The following TPTE2 variants were observed in gnomAD, a reference collection of about 807,000 sequenced individuals.
TPTE2 encodes the protein phosphatidylinositol 3,4,5-trisphosphate 3-phosphatase TPTE2.
In TPTE2, 53 loss-of-function variants were observed where a neutral mutation model predicts 78.6. The observed-to-expected ratio is 0.67, with a 90% confidence interval of 0.54 to 0.85. The LOEUF (loss-of-function observed/expected upper bound fraction) is 0.85, where lower values mean the gene tolerates loss of function less well. Ranked by LOEUF, TPTE2 falls within the 40% of genes least tolerant of loss-of-function variation. TPTE2 has a pLI of 0.00. For missense variants in TPTE2, 461 were observed against 623.0 expected (o/e 0.74, Z 2.77); for synonymous variants, 175 against 206.2 (o/e 0.85, Z 1.30).
At chr13:19,557,440 C>T in the TPTE2 span, among the ~76,000 whole-genome samples, 6 of 152,244 alleles carry the variant, frequency 3.9e-5, no homozygotes, top group African/African-American at 1.4e-4. Context: ...CCAGGGCATA[C>T]CTGAGAACAT....
At chr13:19,465,488 G>A in exon 8 of TPTE2, 1 of 1,609,836 alleles carries the variant, frequency 6.2e-7, no homozygotes, top group Non-Finnish European at 8.5e-7. Flanking sequence ...AGCTTTTCAA[G>A]TTGTCTTTTT....
At chr13:19,557,800 T>C in the TPTE2 span, among the ~76,000 whole-genome samples, 1 of 152,194 alleles carries the variant, frequency 6.6e-6, no homozygotes, top group African/African-American at 2.4e-5. Flanking sequence ...GGAATGTTTC[T>C]CTACCTGAGA....
the TPTE2 span, among the ~76,000 whole-genome samples, chr13:19,542,343 A>G: frequency 6.6e-6 from 1 of 152,202 alleles, no homozygotes; most frequent in Non-Finnish European, 1.5e-5. Context: ...TCAGGGTCTC[A>G]CAAGGCTGTA....
At chr13:19,555,349 A>G in the TPTE2 span, among the ~76,000 whole-genome samples, 1 of 152,228 alleles carries the variant, frequency 6.6e-6, no homozygotes, top group Admixed American at 6.5e-5. Context: ...AGACGTGGGA[A>G]TCATGGAACA....
intron 3 of TPTE2, among the ~76,000 whole-genome samples, chr13:19,485,822 T>C (rs1333845875): frequency 6.6e-6 from 1 of 152,060 alleles, no homozygotes; most frequent in Non-Finnish European, 1.5e-5. Flanking sequence ...CCATTGATTG[T>C]ATTTTTTCAT....
At chr13:19,526,012 TAGCTATTATTAAAA>T (rs1566077485) in intron 1 of TPTE2, among the ~76,000 whole-genome samples, 1 of 152,130 alleles carries the variant, frequency 6.6e-6, no homozygotes, top group Non-Finnish European at 1.5e-5. Context: ...CCAGTCAGAA[TAGCTATTATTAAAA>T]AGCCAAAAAA....
chr13:19,557,065 T>G, the TPTE2 span, among the ~76,000 whole-genome samples: 4 of 152,250 alleles, frequency 2.6e-5, no homozygotes, highest in Admixed American at 2.6e-4. Context: ...CAGTAAGTTT[T>G]TTTATAAATG....
At chr13:19,451,326 C>T in intron 10 of TPTE2, 101 bp from the exon 14 acceptor site, 1 of 1,428,650 alleles carries the variant, frequency 7.0e-7, no homozygotes. Flanking sequence ...TAATTTGTCT[C>T]TCACTAGCAT....
chr13:19,521,492 C>G (rs376407862), intron 1 of TPTE2, among the ~76,000 whole-genome samples: 1 of 151,964 alleles, frequency 6.6e-6, no homozygotes, highest in Non-Finnish European at 1.5e-5. Context: ...TTATAGACAG[C>G]ATAGAGTAGG....
chr13:19,550,277 A>G, the TPTE2 span, among the ~76,000 whole-genome samples: 1 of 152,228 alleles, frequency 6.6e-6, no homozygotes, highest in Admixed American at 6.5e-5. Flanking sequence ...TTTCTCAGAA[A>G]CCAGGTCAAA....
chr13:19,512,595 T>TC (rs2137698105), intron 1 of TPTE2, among the ~76,000 whole-genome samples: 1 of 151,964 alleles, frequency 6.6e-6, no homozygotes, highest in African/African-American at 2.4e-5. Context: ...TTTTTTTTTT[T>TC]TGAGACAGAG....
intron 1 of TPTE2, among the ~76,000 whole-genome samples, chr13:19,527,328 T>C (rs1219028285): frequency 6.6e-6 from 1 of 152,206 alleles, no homozygotes; most frequent in Admixed American, 6.5e-5. Context: ...GTTCCCAACA[T>C]ACAGAAATGA....
Position 19,440,930 on chromosome 13 carries a change from T to C in TPTE2, c.974-2777A>G, listed in dbSNP as rs570444808. 2.2e-3 allele frequency among the ~76,000 whole-genome samples: 332 copies of C among 151,806 alleles called. 1 individual carries two copies. Among genetic ancestry groups the C allele is most frequent in the African/African-American group, 7.9e-3 (328 of 41,354 alleles). On this transcript the variant is annotated intron_variant, in intron 13 of 19. Coordinates refer to ENST00000400230, the Ensembl canonical transcript of TPTE2. ...GGTGAAACCCTATCTCTACTAAAAA[T>C]ACAAAAATTAGCTGGGCGTGGTGGC...
upstream of TPTE2, among the ~76,000 whole-genome samples, chr13:19,537,636 T>A (rs1479092661): frequency 6.7e-6 from 1 of 149,886 alleles, no homozygotes. Context: ...AGAGTCTCAC[T>A]CTGTCGCCAA....
chr13:19,497,508 C>G (rs1881435595), intron 1 of TPTE2, among the ~76,000 whole-genome samples: 1 of 89,528 alleles, frequency 1.1e-5, no homozygotes, highest in Admixed American at 1.3e-4. Flanking sequence ...CCCTGAGCAG[C>G]CTAACTGGGA....
intron 10 of TPTE2, among the ~76,000 whole-genome samples, chr13:19,457,968 T>C (rs1319857598): frequency 6.6e-6 from 1 of 152,134 alleles, no homozygotes; most frequent in Non-Finnish European, 1.5e-5. Flanking sequence ...AAAATACAGG[T>C]GCATCTTGCT....
At chr13:19,458,466 T>C (rs1878681692) in intron 10 of TPTE2, 1 of 401,696 alleles carries the variant, frequency 2.5e-6, no homozygotes, top group Non-Finnish European at 4.9e-6. Context: ...TTCTTAATGC[T>C]GGCAAAGATC....
intron 14 of TPTE2, 27 bp from the exon 18 acceptor site, chr13:19,436,333 T>C: frequency 1.9e-6 from 3 of 1,590,302 alleles, no homozygotes; most frequent in Non-Finnish European, 2.6e-6. Flanking sequence ...AATCCAACCA[T>C]GGTTCATCTG....
At chr13:19,496,000 C>T (rs1881288697) in intron 1 of TPTE2, among the ~76,000 whole-genome samples, 1 of 152,180 alleles carries the variant, frequency 6.6e-6, no homozygotes, top group Non-Finnish European at 1.5e-5. Flanking sequence ...TCCCAACTAG[C>T]AGGGACTACA....
Sources: gnomAD v4.1 joint callset for allele counts (sites outside exome capture counted in the v4.1 genomes callset) on GRCh38, gnomAD v4.1.1 for gene constraint, MANE v1.5 for transcripts, NCBI Gene and HGNC (gene_info 2026-07-23, HGNC 2026-07-21) for gene names.